EXOC6B: variants seen among roughly 807,000 people sequenced by gnomAD.
EXOC6B encodes exocyst complex component 6B.
Under a neutral mutation model 113.5 loss-of-function variants are expected in EXOC6B, and 54 were observed. The ratio of observed to expected loss-of-function variants is 0.48; its 90% CI spans 0.38 to 0.60. The LOEUF is 0.60. EXOC6B is among the 20% of genes least tolerant of loss of function. The pLI, the probability that EXOC6B is intolerant of heterozygous loss-of-function variation, is 0.00. For synonymous variants in EXOC6B, 357 were observed against 339.0 expected (o/e 1.05, Z -0.58); for missense variants, 797 against 977.5 (o/e 0.82, Z 2.46).
intron 18 of EXOC6B, chr2:72,463,550 A>G (rs1322656268): frequency 6.6e-6 from 1 of 152,098 alleles, no homozygotes; most frequent in African/African-American, 2.4e-5. Context: ...CTAGGGGGCG[A>G]AAAAAACTTG....
At chr2:72,469,571 A>T (rs568229006) in intron 17 of EXOC6B, among the ~76,000 whole-genome samples, 3 of 152,090 alleles carry the variant, frequency 2.0e-5, no homozygotes, top group African/African-American at 7.2e-5. Flanking sequence ...TATGTTGTTT[A>T]ATCTCCAAAT....
At chr2:72,781,622 ACAGATCG>A (rs996973252) in intron 1 of EXOC6B, among the ~76,000 whole-genome samples, 1 of 152,180 alleles carries the variant, frequency 6.6e-6, no homozygotes, top group African/African-American at 2.4e-5. Flanking sequence ...AAAATTGGCA[ACAGATCG>A]CATGTGGCCT....
intron 1 of EXOC6B, among the ~76,000 whole-genome samples, chr2:72,797,773 T>C (rs1486179439): frequency 1.3e-5 from 2 of 152,178 alleles, no homozygotes. Flanking sequence ...ACCGTGCCAC[T>C]GCACTCCAGC....
At chr2:72,204,509 A>T (rs1285347489) in intron 20 of EXOC6B, among the ~76,000 whole-genome samples, 1 of 150,706 alleles carries the variant, frequency 6.6e-6, no homozygotes, top group African/African-American at 2.5e-5. Flanking sequence ...TGGAAGTTAC[A>T]TTTTCTCTTT....
intron 18 of EXOC6B, among the ~76,000 whole-genome samples, chr2:72,457,313 A>G (rs1161706435): frequency 6.6e-6 from 1 of 152,142 alleles, no homozygotes; most frequent in African/African-American, 2.4e-5. Context: ...CAGTTTTGAA[A>G]GGGTTTTAAA....
chr2:72,355,651 A>G (rs373332730), intron 19 of EXOC6B, among the ~76,000 whole-genome samples: 7 of 152,220 alleles, frequency 4.6e-5, no homozygotes, highest in African/African-American at 1.4e-4. Context: ...TCTATCATCA[A>G]TCTTCTGACT....
chr2:72,772,556 C>T (rs1558990057), intron 1 of EXOC6B, among the ~76,000 whole-genome samples: 2 of 152,194 alleles, frequency 1.3e-5, no homozygotes, highest in South Asian at 4.1e-4. Context: ...ACCCCATTGC[C>T]AGCCCAACCC....
intron 20 of EXOC6B, among the ~76,000 whole-genome samples, chr2:72,211,801 T>A (rs1209997918): frequency 6.6e-6 from 1 of 152,218 alleles, no homozygotes. Context: ...AGAAACTATA[T>A]GAAGGATTTA....
At chr2:72,730,936 TG>T in intron 5 of EXOC6B, 70 bp downstream of exon 5, 1 of 1,040,916 alleles carries the variant, frequency 9.6e-7, no homozygotes, top group Non-Finnish European at 1.4e-6. Flanking sequence ...ATGCTAAATA[TG>T]GACCTAAACG....
intron 17 of EXOC6B, among the ~76,000 whole-genome samples, chr2:72,476,582 T>G (rs1410934235): frequency 2.0e-5 from 3 of 152,192 alleles, no homozygotes; most frequent in Admixed American, 1.3e-4. Context: ...CTGTGAGTAA[T>G]TGTGATTGAT....
intron 8 of EXOC6B, among the ~76,000 whole-genome samples, chr2:72,558,550 A>T (rs1558794795): frequency 6.6e-6 from 1 of 152,152 alleles, no homozygotes; most frequent in Non-Finnish European, 1.5e-5. Flanking sequence ...ACGGTGGATG[A>T]CCTGAGGTCA....
chr2:72,470,617 C>T (rs904566481), intron 17 of EXOC6B, among the ~76,000 whole-genome samples: 1 of 150,520 alleles, frequency 6.6e-6, no homozygotes, highest in Admixed American at 6.6e-5. Flanking sequence ...TCCCTCCCCC[C>T]TCCCCCTACC....
intron 1 of EXOC6B, among the ~76,000 whole-genome samples, chr2:72,761,022 A>G (rs1682710597): frequency 6.6e-6 from 1 of 152,106 alleles, no homozygotes; most frequent in Non-Finnish European, 1.5e-5. Flanking sequence ...TCTACTAAAA[A>G]TACAAAAATT....
intron 7 of EXOC6B, among the ~76,000 whole-genome samples, chr2:72,563,751 T>C (rs1704013876): frequency 6.6e-6 from 1 of 152,104 alleles, no homozygotes; most frequent in Admixed American, 6.5e-5. Context: ...TAGGATATCT[T>C]TTTCTTCTTC....
chr2:72,822,651 T>A (rs1686646262), intron 1 of EXOC6B, among the ~76,000 whole-genome samples: 1 of 143,530 alleles, frequency 7.0e-6, no homozygotes. Flanking sequence ...TACAGCCAAG[T>A]GGATTTTTTT....
At chr2:72,478,435 A>C (rs1698882086) in intron 17 of EXOC6B, among the ~76,000 whole-genome samples, 1 of 152,210 alleles carries the variant, frequency 6.6e-6, no homozygotes, top group African/African-American at 2.4e-5. Context: ...AGGAAAATAC[A>C]CAACATGTAG....
At chr2:72,481,123 TCTC>T (rs531246828) in intron 16 of EXOC6B, among the ~76,000 whole-genome samples, 8 of 152,316 alleles carry the variant, frequency 5.3e-5, no homozygotes, top group South Asian at 2.1e-4. Flanking sequence ...CACTCACACT[TCTC>T]CTTCTTGCTG....
At chr2:72,561,778 C>T (rs561011888) in intron 7 of EXOC6B, among the ~76,000 whole-genome samples, 1 of 152,218 alleles carries the variant, frequency 6.6e-6, no homozygotes, top group Non-Finnish European at 1.5e-5. Context: ...CGAATATTTA[C>T]AACCAAATCT....
intron 5 of EXOC6B, among the ~76,000 whole-genome samples, chr2:72,721,364 T>TAAAAAAAAAAAAAAAA (rs11408155): frequency 3.5e-5 from 1 of 28,490 alleles, no homozygotes; most frequent in Non-Finnish European, 6.0e-5. Flanking sequence ...GTTGTTTTTG[T>TAAAAAAAAAAAAAAAA]AAAAAAAAAA....
Sources: gnomAD v4.1 joint callset for allele counts (sites outside exome capture counted in the v4.1 genomes callset) on GRCh38, gnomAD v4.1.1 for gene constraint, MANE v1.5 for transcripts, NCBI Gene and HGNC (gene_info 2026-07-23, HGNC 2026-07-21) for gene names.